ZNF138: variants seen among roughly 807,000 people sequenced by gnomAD.
ZNF138 encodes zinc finger protein 138 (clone pHZ-32).
In ZNF138, 33 loss-of-function variants were observed where a neutral mutation model predicts 33.0. The ratio of observed to expected loss-of-function variants is 1.00; its 90% CI spans 0.76 to 1.34. ZNF138 has a LOEUF of 1.34. Among genes scored for constraint, ZNF138 ranks in the 40% most tolerant of loss-of-function variants. The pLI is 0.00. For synonymous variants in ZNF138, 139 were observed against 120.4 expected (o/e 1.15, Z -1.01); for missense variants, 360 against 370.8 (o/e 0.97, Z 0.24).
intron 1 of ZNF138, among the ~76,000 whole-genome samples, chr7:64,802,449 A>C (rs922950324): frequency 6.6e-6 from 1 of 152,140 alleles, no homozygotes; most frequent in Non-Finnish European, 1.5e-5. Context: ...TAGAATGTAC[A>C]TTTTTCCCAC....
In ZNF138 at chr7:64,815,650, T is replaced by G; in HGVS notation, c.205T>G (p.Ser69Ala). 1 of 1,610,908 alleles carries G rather than the reference T, an allele frequency of 6.2e-7. No homozygotes were observed. The highest frequency in any genetic ancestry group is 8.5e-7 in the Non-Finnish European group (1 of 1,178,506). ...ACATGAGATGGTGGTAGCCAAACAT[T>G]CAGGTAGGTGAGAGTGAATACACAG... Reference protein sequence around the residue: ...KRHEMVVAKHSALCSRFAQDL... With the variant: ...KRHEMVVAKHAALCSRFAQDL... Residue 69 changes from serine to alanine, a missense_variant, in exon 3 of 4, where the codon TCA becomes GCA. Transcript: ENST00000307355.
the ZNF138 span, among the ~76,000 whole-genome samples, chr7:64,857,758 C>T: frequency 6.6e-6 from 1 of 151,970 alleles, no homozygotes; most frequent in African/African-American, 2.4e-5. Context: ...AGTGGCACAT[C>T]AGTACCACCC....
Position 64,798,172 on chromosome 7 carries a change from C to G in ZNF138, c.3+3601C>G, listed in dbSNP as rs191167570. 6.9e-4 allele frequency among the ~76,000 whole-genome samples: 105 copies of G among 152,308 alleles called. 2 individuals are homozygous for G. The East Asian group carries it at 0.016, about 23-fold the overall frequency. The stretch of plus-strand genomic sequence containing the variant: ...GCCAGGGTGGTCTCAAACTCCTGAC[C>G]TCAGGTGATCTGCTCTTCTCAGCCT... On this transcript the variant is annotated intron_variant, in intron 1 of 3. Transcript: ENST00000307355.
intron 1 of ZNF138, among the ~76,000 whole-genome samples, chr7:64,812,358 C>T (rs1788247349): frequency 6.6e-6 from 1 of 152,016 alleles, no homozygotes; most frequent in African/African-American, 2.4e-5. Flanking sequence ...GAAGGTTTCG[C>T]CATGTTGGCC....
chr7:64,812,638 G>A (rs1240805244), intron 1 of ZNF138, among the ~76,000 whole-genome samples: 1 of 152,084 alleles, frequency 6.6e-6, no homozygotes, highest in Non-Finnish European at 1.5e-5. Context: ...GCAGCTTATT[G>A]TTCTGAGTCT....
At chr7:64,808,605 A>G (rs1418384428) in intron 1 of ZNF138, among the ~76,000 whole-genome samples, 1 of 150,758 alleles carries the variant, frequency 6.6e-6, no homozygotes, top group Non-Finnish European at 1.5e-5. Flanking sequence ...AAATTTATTT[A>G]TTTTTTATTG....
At chr7:64,825,002 T>C (rs1789460714) in intron 3 of ZNF138, among the ~76,000 whole-genome samples, 1 of 151,750 alleles carries the variant, frequency 6.6e-6, no homozygotes, top group Non-Finnish European at 1.5e-5. Flanking sequence ...CCACCTCACC[T>C]GGCTAACTTT....
chr7:64,813,027 G>A (rs913822427), intron 1 of ZNF138, among the ~76,000 whole-genome samples: 1 of 151,560 alleles, frequency 6.6e-6, no homozygotes, highest in Non-Finnish European at 1.5e-5. Flanking sequence ...AAGGGTCTCT[G>A]AAAAAAAATG....
At chr7:64,849,512 TATG>T in the ZNF138 span, among the ~76,000 whole-genome samples, 1 of 151,920 alleles carries the variant, frequency 6.6e-6, no homozygotes, top group African/African-American at 2.4e-5. Flanking sequence ...CCCAAGAATA[TATG>T]ATATTTGTTT....
chr7:64,805,816 T>C (rs1007696519), intron 1 of ZNF138, among the ~76,000 whole-genome samples: 25 of 152,248 alleles, frequency 1.6e-4, no homozygotes, highest in African/African-American at 4.6e-4. Context: ...GTCATGAAGA[T>C]GTGAAAAGTT....
At chr7:64,859,756 T>C in the ZNF138 span, among the ~76,000 whole-genome samples, 1 of 152,366 alleles carries the variant, frequency 6.6e-6, no homozygotes, top group East Asian at 1.9e-4. Context: ...TGATAGCATT[T>C]AGTTCCAATC....
chr7:64,822,299 A>G (rs1436205200), intron 3 of ZNF138, among the ~76,000 whole-genome samples: 1 of 151,516 alleles, frequency 6.6e-6, no homozygotes, highest in African/African-American at 2.4e-5. Flanking sequence ...GAGATATTGA[A>G]GTCTAGTGTA....
intron 3 of ZNF138, among the ~76,000 whole-genome samples, chr7:64,828,180 T>TC (rs1789797416): frequency 3.8e-4 from 2 of 5,242 alleles, no homozygotes; most frequent in East Asian, 0.026. Context: ...ATCATAATTC[T>TC]GGTTTTTTTT....
intron 1 of ZNF138, 133 bp downstream of exon 1, chr7:64,794,704 C>A: frequency 1.5e-6 from 2 of 1,358,018 alleles, no homozygotes; most frequent in Non-Finnish European, 1.0e-6. Flanking sequence ...CTTGGCACAG[C>A]TCGGCCCTCA....
chr7:64,807,387 C>T (rs532148400), intron 1 of ZNF138, among the ~76,000 whole-genome samples: 9 of 152,330 alleles, frequency 5.9e-5, no homozygotes, highest in African/African-American at 2.2e-4. Flanking sequence ...GCGCAGATTT[C>T]AGGCAACTTG....
the ZNF138 span, among the ~76,000 whole-genome samples, chr7:64,842,304 T>A: frequency 8.0e-6 from 1 of 125,124 alleles, no homozygotes; most frequent in South Asian, 2.8e-4. Context: ...CCTCGTGATC[T>A]GCCCTCCTCT....
intron 3 of ZNF138, among the ~76,000 whole-genome samples, chr7:64,826,797 A>C (rs1402717522): frequency 6.6e-6 from 1 of 151,982 alleles, no homozygotes; most frequent in African/African-American, 2.4e-5. Context: ...TTAAAGGCAC[A>C]CACCATAATT....
downstream of ZNF138, chr7:64,835,283 GGCTACTTCCT>G (rs1790333021): frequency 6.6e-6 from 1 of 152,196 alleles, no homozygotes; most frequent in Non-Finnish European, 1.5e-5. Flanking sequence ...GAAATCATCT[GGCTACTTCCT>G]GCTGTTAAGG....
chr7:64,832,366 C>A lies in ZNF138; in HGVS notation c.*164C>A, dbSNP rs1790165024. 1 of 1,548,640 alleles carries A rather than the reference C, an allele frequency of 6.5e-7. No homozygotes were observed. Among genetic ancestry groups the A allele is most frequent in the South Asian group, 1.3e-5 (1 of 79,526 alleles). On this transcript the variant is annotated 3_prime_UTR_variant, in exon 4 of 4. Transcript: ENST00000307355. ...GAATGTGGCAGAGCTTTTAACCAGTCCGCAAAGCTCACTGAACATAAGTTA... is the reference window on the plus strand; with the variant it reads ...GAATGTGGCAGAGCTTTTAACCAGTACGCAAAGCTCACTGAACATAAGTTA...
Sources: gnomAD v4.1 joint callset for allele counts (sites outside exome capture counted in the v4.1 genomes callset) on GRCh38, gnomAD v4.1.1 for gene constraint, MANE v1.5 for transcripts, NCBI Gene and HGNC (gene_info 2026-07-23, HGNC 2026-07-21) for gene names.